The following SLC25A21 variants were observed in gnomAD, a reference collection of about 807,000 sequenced individuals.
SLC25A21 encodes the protein mitochondrial 2-oxodicarboxylate carrier.
Under a neutral mutation model 43.8 loss-of-function variants are expected in SLC25A21, and 47 were observed. That is an observed-to-expected ratio of 1.07 (90% CI 0.85 to 1.37). The LOEUF (loss-of-function observed/expected upper bound fraction) is 1.37, where lower values mean the gene tolerates loss of function less well. Ranked by LOEUF, SLC25A21 falls within the 40% of genes most tolerant of loss-of-function variation. The probability of loss-of-function intolerance (pLI) is 0.00; values close to 1 mark genes in which losing one functional copy is unlikely to be tolerated. For synonymous variants in SLC25A21, 131 were observed against 121.3 expected, an observed-to-expected ratio of 1.08 and a Z score of -0.52; for missense variants, 352 against 350.2, an observed-to-expected ratio of 1.00 and a Z score of -0.04.
chr14:36,821,587 C>A (rs1416693699), intron 2 of SLC25A21, among the ~76,000 whole-genome samples: 5 of 152,100 alleles, frequency 3.3e-5, no homozygotes, highest in Admixed American at 2.6e-4. Context: ...GAGGCCAAGG[C>A]AGCCGGATTA....
intron 2 of SLC25A21, among the ~76,000 whole-genome samples, chr14:36,843,319 T>C (rs1889443208): frequency 6.6e-6 from 1 of 152,058 alleles, no homozygotes; most frequent in African/African-American, 2.4e-5. Context: ...AATACAGAAA[T>C]CCTTGGTTAA....
At chr14:37,019,547 A>G (rs1409295196) in intron 1 of SLC25A21, among the ~76,000 whole-genome samples, 1 of 151,884 alleles carries the variant, frequency 6.6e-6, no homozygotes, top group African/African-American at 2.4e-5. Context: ...GGCATGCCTG[A>G]AGAGTTAGAA....
chr14:37,044,448 A>C (rs1050140170), intron 1 of SLC25A21, among the ~76,000 whole-genome samples: 2 of 152,212 alleles, frequency 1.3e-5, no homozygotes, highest in African/African-American at 4.8e-5. Flanking sequence ...AGGTACTCTT[A>C]TCTATTCATA....
chr14:36,776,293 G>A (rs1886829504), intron 3 of SLC25A21, among the ~76,000 whole-genome samples: 1 of 133,744 alleles, frequency 7.5e-6, no homozygotes, highest in Non-Finnish European at 1.5e-5. Context: ...CTGGAGTGCA[G>A]TGGCTCGATC....
intron 2 of SLC25A21, among the ~76,000 whole-genome samples, chr14:36,830,929 C>A (rs1291198287): frequency 6.6e-6 from 1 of 152,158 alleles, no homozygotes; most frequent in East Asian, 1.9e-4. Flanking sequence ...CCAAACCCAG[C>A]ACACACACTT....
chr14:36,796,383 T>C (rs1338465665), intron 3 of SLC25A21, among the ~76,000 whole-genome samples: 1 of 100,282 alleles, frequency 1.0e-5, no homozygotes, highest in Non-Finnish European at 2.2e-5. Context: ...ATTTCTCTCT[T>C]TCTCTTTCTT....
At chr14:37,031,503 G>C (rs1594760244) in intron 1 of SLC25A21, among the ~76,000 whole-genome samples, 7 of 152,174 alleles carry the variant, frequency 4.6e-5, no homozygotes, top group Admixed American at 3.9e-4. Context: ...GCTCTTTAGG[G>C]AACTATTTGT....
At chr14:36,905,794 C>A (rs1261090430) in intron 1 of SLC25A21, among the ~76,000 whole-genome samples, 1 of 152,204 alleles carries the variant, frequency 6.6e-6, no homozygotes, top group South Asian at 2.1e-4. Context: ...CGCCTTGTCA[C>A]ACATTCAACA....
At chr14:37,098,594 A>T (rs1962745961) in intron 1 of SLC25A21, 1 of 152,160 alleles carries the variant, frequency 6.6e-6, no homozygotes, top group African/African-American at 2.4e-5. Flanking sequence ...ATCTGCTTTA[A>T]CAGGAAGAGT....
At chr14:37,117,854 GTT>G (rs199625431) in intron 1 of SLC25A21, among the ~76,000 whole-genome samples, 1 of 29,502 alleles carries the variant, frequency 3.4e-5, no homozygotes, top group Admixed American at 5.1e-4. Context: ...ACCAAACATA[GTT>G]TTTTTTTGTT....
intron 1 of SLC25A21, among the ~76,000 whole-genome samples, chr14:36,936,684 A>T (rs1163693894): frequency 2.0e-5 from 3 of 152,172 alleles, no homozygotes; most frequent in Admixed American, 1.3e-4. Context: ...GAATGCCAAG[A>T]ACGGTAATAT....
At chr14:37,023,795 C>A (rs948337345) in intron 1 of SLC25A21, among the ~76,000 whole-genome samples, 2 of 151,896 alleles carry the variant, frequency 1.3e-5, no homozygotes, top group African/African-American at 4.8e-5. Flanking sequence ...GTCTCCCCAC[C>A]GCCATCTGCC....
intron 1 of SLC25A21, among the ~76,000 whole-genome samples, chr14:37,073,515 G>A (rs1488227737): frequency 6.6e-6 from 1 of 151,980 alleles, no homozygotes; most frequent in Non-Finnish European, 1.5e-5. Flanking sequence ...AGCCTGCCTG[G>A]GTCTTCATTC....
chr14:36,842,528 T>A (rs1027683552), intron 2 of SLC25A21, among the ~76,000 whole-genome samples: 1 of 152,168 alleles, frequency 6.6e-6, no homozygotes, highest in African/African-American at 2.4e-5. Context: ...CGGAAGGAGC[T>A]TGGGTCTCAA....
chr14:36,796,381 CTT>C (rs1021229663), intron 3 of SLC25A21, among the ~76,000 whole-genome samples: 3 of 100,962 alleles, frequency 3.0e-5, no homozygotes, highest in African/African-American at 1.1e-4. Flanking sequence ...TTATTTCTCT[CTT>C]TCTCTTTCTT....
intron 6 of SLC25A21, among the ~76,000 whole-genome samples, chr14:36,723,117 G>A (rs1457633453): frequency 1.3e-5 from 2 of 152,128 alleles, no homozygotes; most frequent in Non-Finnish European, 2.9e-5. Flanking sequence ...GAAGGCTTCG[G>A]CATTATTGAG....
At chr14:37,056,996 C>T (rs139312451) in intron 1 of SLC25A21, among the ~76,000 whole-genome samples, 4 of 152,252 alleles carry the variant, frequency 2.6e-5, no homozygotes, top group South Asian at 4.1e-4. Flanking sequence ...CCTCATCACA[C>T]GAAAAAGCCA....
chr14:37,156,982 C>T (rs146143329), intron 1 of SLC25A21, among the ~76,000 whole-genome samples: 1 of 152,196 alleles, frequency 6.6e-6, no homozygotes, highest in Non-Finnish European at 1.5e-5. Context: ...AATATACATT[C>T]TTTTCAGCCA....
At chr14:37,091,806 C>A (rs1229807943) in intron 1 of SLC25A21, among the ~76,000 whole-genome samples, 2 of 152,166 alleles carry the variant, frequency 1.3e-5, no homozygotes, top group Non-Finnish European at 2.9e-5. Flanking sequence ...TGATTTCCCA[C>A]TGAAAGCCTC....
Sources: gnomAD v4.1 joint callset for allele counts (sites outside exome capture counted in the v4.1 genomes callset) on GRCh38, gnomAD v4.1.1 for gene constraint, MANE v1.5 for transcripts, NCBI Gene and HGNC (gene_info 2026-07-23, HGNC 2026-07-21) for gene names.